Variants in SPATA6 observed in about 807,000 individuals in gnomAD.
SPATA6 encodes spermatogenesis-associated protein 6.
A neutral mutation model predicts 65.3 loss-of-function variants in SPATA6; 56 were observed. The observed-to-expected ratio is 0.86, with a 90% CI of 0.69 to 1.07. SPATA6 has a LOEUF of 1.07. SPATA6 is among the 50% of genes least tolerant of loss of function. The pLI, the probability that SPATA6 is intolerant of heterozygous loss-of-function variation, is 0.00. For synonymous variants in SPATA6, 199 were observed against 213.2 expected, an observed-to-expected ratio of 0.93 and a Z score of 0.58; for missense variants, 590 against 594.8, an observed-to-expected ratio of 0.99 and a Z score of 0.08.
intron 9 of SPATA6, among the ~76,000 whole-genome samples, chr1:48,366,967 A>T (rs985705442): frequency 2.6e-5 from 4 of 151,892 alleles, no homozygotes; most frequent in Non-Finnish European, 5.9e-5. Flanking sequence ...ACTGCTTTGA[A>T]TATGTCCCAG....
intron 5 of SPATA6, among the ~76,000 whole-genome samples, chr1:48,405,177 A>G (rs913872957): frequency 6.6e-5 from 10 of 152,196 alleles, no homozygotes; most frequent in African/African-American, 1.7e-4. Flanking sequence ...ACCACATTCT[A>G]TTCATTAGCA....
chr1:48,373,945 A>G (rs1206066954), intron 9 of SPATA6, among the ~76,000 whole-genome samples: 1 of 152,214 alleles, frequency 6.6e-6, no homozygotes, highest in East Asian at 1.9e-4. Context: ...ACAGCCAAAC[A>G]TATCAATGTT....
chr1:48,446,081 G>A (rs1656024489), intron 3 of SPATA6, among the ~76,000 whole-genome samples: 1 of 152,164 alleles, frequency 6.6e-6, no homozygotes. Flanking sequence ...GACTGTCAAG[G>A]AAGATGTAAA....
chr1:48,381,648 CTTTTTT>C (rs36045284), intron 9 of SPATA6, among the ~76,000 whole-genome samples: 1 of 112,362 alleles, frequency 8.9e-6, no homozygotes, highest in Non-Finnish European at 1.8e-5. Context: ...TATGGTTTTT[CTTTTTT>C]TTTTTTTTTA....
rs544069913 is a variant in SPATA6 at position 48,398,587 on chromosome 1, T to G, written c.780+764A>C. On this transcript the variant is annotated intron_variant, in intron 7 of 12. Transcript: ENST00000371847. ...GGTTTAGTATTATTATATATGTACA[T>G]ATAACATTAATCCATATTTTTATTA... Among the ~76,000 whole-genome samples the G allele has an allele frequency of 8.0e-4, 121 of 151,960 alleles. 1 individual carries two copies. Among genetic ancestry groups the G allele is most frequent in the African/African-American group, 2.8e-3 (118 of 41,558 alleles).
intron 3 of SPATA6, among the ~76,000 whole-genome samples, chr1:48,444,046 A>G (rs1415646205): frequency 1.5e-4 from 23 of 152,178 alleles, no homozygotes; most frequent in Admixed American, 1.5e-3. Flanking sequence ...TAGAGCAGTC[A>G]TCGCCCAATT....
chr1:48,451,476 C>T lies in SPATA6; in HGVS notation c.238+76G>A, dbSNP rs908239341. 5 of 1,411,272 alleles carry T rather than the reference C, an allele frequency of 3.5e-6. No homozygotes were observed. The African/African-American group carries it at 4.4e-5, about 12-fold the overall frequency. The allele number at this position is 1,411,272 out of a possible 1,614,324, so 87.4% of individuals were successfully genotyped here. A position where few individuals can be genotyped will look rare whatever the true frequency, so the allele number is the denominator to read the frequency against. On this transcript the variant is annotated intron_variant, in intron 3 of 12. Transcript: ENST00000371847. Reference sequence around the variant, plus strand: ...TAACCCCTTTTAAACTTTTATTTAACCCAAGATTAAAGATCATAAGGATAA... The same window carrying T: ...TAACCCCTTTTAAACTTTTATTTAATCCAAGATTAAAGATCATAAGGATAA...
At chr1:48,291,422 G>T (rs888166661), downstream of SPATA6, among the ~76,000 whole-genome samples, 1 of 152,152 alleles carries the variant, frequency 6.6e-6, no homozygotes. Flanking sequence ...GGGGGATGGG[G>T]GTGTGGTTCC....
intron 1 of SPATA6, among the ~76,000 whole-genome samples, chr1:48,460,356 A>C (rs1238583678): frequency 1.3e-5 from 2 of 152,162 alleles, no homozygotes; most frequent in Non-Finnish European, 2.9e-5. Context: ...CATTTGACAA[A>C]ATTTAAGCCT....
chr1:48,348,752 A>AT (rs1288663909), intron 11 of SPATA6, among the ~76,000 whole-genome samples: 10 of 151,952 alleles, frequency 6.6e-5, no homozygotes, highest in Admixed American at 3.3e-4. Flanking sequence ...ATTCATATCT[A>AT]TTTTTTTATT....
intron 12 of SPATA6, among the ~76,000 whole-genome samples, chr1:48,303,690 T>G (rs1021958942): frequency 6.6e-6 from 1 of 152,222 alleles, no homozygotes; most frequent in Non-Finnish European, 1.5e-5. Context: ...GATTTCATAG[T>G]TTTGTTATTG....
At chr1:48,276,078 C>A in the SPATA6 span, among the ~76,000 whole-genome samples, 8 of 152,032 alleles carry the variant, frequency 5.3e-5, no homozygotes, top group Non-Finnish European at 1.0e-4. Context: ...TGTCTGTGTC[C>A]AGGAATTTAT....
intron 3 of SPATA6, among the ~76,000 whole-genome samples, chr1:48,447,037 C>T (rs1656119168): frequency 6.6e-6 from 1 of 152,088 alleles, no homozygotes; most frequent in African/African-American, 2.4e-5. Flanking sequence ...TGAACTTCTA[C>T]TTAATGAAGA....
In SPATA6 at chr1:48,451,560, T is replaced by C. The variant is rs1656569911; in HGVS notation, c.230A>G (p.Gln77Arg). 1 of 1,609,550 alleles carries C rather than the reference T, an allele frequency of 6.2e-7. No homozygotes were observed. ...AAAGTTAAAAAACTTACATTCAAGC[T>C]GTGTAACCACATCTCCAGGATCTAC... The part of the protein sequence containing the change: ...DAVDPGDVVT[Q>R]LEYDTAVFEL... Residue 77 changes from glutamine to arginine, a missense_variant, in exon 3 of 13, where the codon CAG (glutamine) becomes CGG (arginine). By Grantham distance (43) the Gln-to-Arg change is conservative. Coordinates refer to ENST00000371847, the MANE Select transcript of SPATA6 (RefSeq NM_019073.4).
At chr1:48,304,863 T>C (rs1015048519) in intron 12 of SPATA6, among the ~76,000 whole-genome samples, 2 of 152,206 alleles carry the variant, frequency 1.3e-5, no homozygotes, top group Non-Finnish European at 2.9e-5. Context: ...TGTAACAATT[T>C]AGGGAATATG....
intron 1 of SPATA6, among the ~76,000 whole-genome samples, chr1:48,466,565 T>C (rs1333730280): frequency 6.6e-6 from 1 of 151,936 alleles, no homozygotes; most frequent in East Asian, 1.9e-4. Flanking sequence ...CTCACCTACA[T>C]GCAACATTAT....
At chr1:48,315,969 A>G (rs2883325) in intron 11 of SPATA6, among the ~76,000 whole-genome samples, 148,893 of 152,286 alleles carry the variant, frequency 0.98, 72,872 homozygotes, top group South Asian at 1. Context: ...CTTCGAAACC[A>G]ATTTAAAAGG....
Position 48,403,894 on chromosome 1 carries a change from A to G in SPATA6, c.406-12T>C, listed in dbSNP as rs2147948837. On this transcript the variant is annotated splice_polypyrimidine_tract_variant and intron_variant, in intron 5 of 12. Coordinates refer to ENST00000371847, the MANE Select transcript of SPATA6 (RefSeq NM_019073.4). ...CTTGGAGCATTTCCCTGAGAAGAAA[A>G]AAGAGGGTATTATTACACATTTCCA... is the stretch of plus-strand genomic sequence containing the variant. 6.3e-7 allele frequency: 1 copy of G among 1,588,466 alleles called. No individual in the cohort carries two copies. Among genetic ancestry groups the G allele is most frequent in the East Asian group, 2.2e-5 (1 of 44,538 alleles).
At chr1:48,280,492 A>G in the SPATA6 span, among the ~76,000 whole-genome samples, 1 of 152,196 alleles carries the variant, frequency 6.6e-6, no homozygotes, top group Non-Finnish European at 1.5e-5. Flanking sequence ...AAAAAATGAT[A>G]AAGGGGATAT....
Sources: allele counts gnomAD v4.1 joint callset (sites outside exome capture counted in the v4.1 genomes callset), GRCh38; gene constraint gnomAD v4.1.1; transcripts MANE v1.5; gene names NCBI Gene and HGNC (gene_info 2026-07-23, HGNC 2026-07-21).